EML4: variants seen among roughly 807,000 people sequenced by gnomAD.
EML4 encodes the protein EMAP like 4, also known as echinoderm microtubule-associated protein-like 4.
A neutral mutation model predicts 129.0 loss-of-function variants in EML4; 72 were observed. The ratio of observed to expected loss-of-function variants is 0.56; its 90% CI spans 0.46 to 0.68. EML4 has a LOEUF of 0.68. EML4 is among the 30% of genes least tolerant of loss of function. EML4 has a pLI of 0.00. For synonymous variants in EML4, 532 were observed against 405.0 expected (o/e 1.31, Z -3.77); for missense variants, 1,363 against 1,190.6 (o/e 1.14, Z -2.13).
At chr2:42,193,413 TAA>T (rs72117934) in intron 1 of EML4, among the ~76,000 whole-genome samples, 21,993 of 152,174 alleles carry the variant, frequency 0.14, 1,586 homozygotes, top group East Asian at 0.18. Context: ...AGATGAACGA[TAA>T]AAAGAGTAAA....
At chr2:42,292,142 T>C (rs999425019) in intron 11 of EML4, among the ~76,000 whole-genome samples, 3 of 152,212 alleles carry the variant, frequency 2.0e-5, no homozygotes, top group African/African-American at 7.2e-5. Context: ...AAGGACACTT[T>C]TAGAGCAGAA....
intron 6 of EML4, among the ~76,000 whole-genome samples, chr2:42,278,931 T>C (rs997191423): frequency 1.1e-5 from 1 of 93,962 alleles, no homozygotes; most frequent in African/African-American, 5.7e-5. Flanking sequence ...AGCGAAACTC[T>C]CTTGGAAAAA....
At chr2:42,255,170 C>A (rs182235706) in intron 2 of EML4, among the ~76,000 whole-genome samples, 118 of 152,114 alleles carry the variant, frequency 7.8e-4, no homozygotes, top group African/African-American at 2.6e-3. Context: ...ACTGCAAGCT[C>A]CGCCTCCCAA....
At chr2:42,208,586 A>G (rs1672699382) in intron 1 of EML4, among the ~76,000 whole-genome samples, 1 of 151,454 alleles carries the variant, frequency 6.6e-6, no homozygotes. Context: ...GGCACCTGCC[A>G]CCGCACCCGG....
chr2:42,221,142 G>T (rs1673565571), intron 1 of EML4, among the ~76,000 whole-genome samples: 1 of 152,108 alleles, frequency 6.6e-6, no homozygotes, highest in Non-Finnish European at 1.5e-5. Flanking sequence ...CAGATTATCA[G>T]TGTAGACAAC....
In EML4 at chr2:42,278,240, G is replaced by C. The variant is rs146612827; in HGVS notation, c.668-2610G>C. Among the ~76,000 whole-genome samples the C allele has an allele frequency of 5.3e-5, 8 of 152,228 alleles. No homozygotes were observed. In the East Asian group the frequency reaches 1.5e-3, roughly 29 times the overall value. Reference sequence around the variant, plus strand: ...GGGATGCTAGAGGCAGGGTTAAGTCGGGGTGGGGTTTTTTTGGTTTTTTGT... The same window carrying C: ...GGGATGCTAGAGGCAGGGTTAAGTCCGGGTGGGGTTTTTTTGGTTTTTTGT... On this transcript the variant is annotated intron_variant, in intron 6 of 22. Transcript: ENST00000318522.
intron 2 of EML4, among the ~76,000 whole-genome samples, chr2:42,252,762 C>G (rs1665537097): frequency 6.6e-6 from 1 of 151,950 alleles, no homozygotes; most frequent in Non-Finnish European, 1.5e-5. Context: ...TTTCAGCTGT[C>G]TATTTCTTTC....
chr2:42,191,866 G>T (rs920767366), intron 1 of EML4, among the ~76,000 whole-genome samples: 4 of 152,028 alleles, frequency 2.6e-5, no homozygotes, highest in Non-Finnish European at 4.4e-5. Context: ...AAACCTGGCC[G>T]GGCACGGTGG....
Position 42,304,527 on chromosome 2 carries a change from T to C in EML4, c.1943T>C (p.Val648Ala). 6.2e-7 allele frequency: 1 copy of C among 1,614,104 alleles called. No homozygotes were observed. Among genetic ancestry groups the C allele is most frequent in the Non-Finnish European group, 8.5e-7 (1 of 1,179,976 alleles). ...CADFHPSGTV[V>A]AIGTHSGRWF... ...GATTTTCATCCAAGTGGCACAGTGG[T>C]GGCCATAGGAACGCACTCAGGCAGG... The change falls in exon 17 of 23, where the codon GTG becomes GCG. Residue 648 changes from valine (V) to alanine (A), a missense_variant. Transcript: ENST00000318522.
intron 1 of EML4, among the ~76,000 whole-genome samples, chr2:42,228,220 C>CA (rs35772596): frequency 0.33 from 47,692 of 143,146 alleles, 8,225 homozygotes; most frequent in East Asian, 0.57. Flanking sequence ...GACTCTGTCT[C>CA]AAAAAAAAAA....
At chr2:42,219,183 C>G (rs868599432) in intron 1 of EML4, among the ~76,000 whole-genome samples, 1 of 152,172 alleles carries the variant, frequency 6.6e-6, no homozygotes, top group Middle Eastern at 3.4e-3. Flanking sequence ...AGGAAGAGCC[C>G]CCTTCATAAG....
chr2:42,302,394 C>G (rs985061492), intron 14 of EML4, among the ~76,000 whole-genome samples: 2 of 152,026 alleles, frequency 1.3e-5, no homozygotes, highest in African/African-American at 4.8e-5. Flanking sequence ...GTGGGTAGGG[C>G]ATGTATTATT....
At chr2:42,182,906 G>A (rs1334893587) in intron 1 of EML4, among the ~76,000 whole-genome samples, 2 of 152,146 alleles carry the variant, frequency 1.3e-5, no homozygotes, top group Non-Finnish European at 2.9e-5. Flanking sequence ...CATATCACTG[G>A]TGCCTGTGTG....
At chr2:42,196,570 C>G (rs1490106459) in intron 1 of EML4, among the ~76,000 whole-genome samples, 1 of 152,224 alleles carries the variant, frequency 6.6e-6, no homozygotes, top group East Asian at 1.9e-4. Flanking sequence ...CATGTCTGCT[C>G]TGACTACACT....
chr2:42,331,330 G>A lies in EML4; in HGVS notation c.*1123G>A, dbSNP rs1295945569. 4.5e-6 allele frequency: 1 copy of A among 224,576 alleles called. No homozygotes were observed. Among genetic ancestry groups the A allele is most frequent in the Non-Finnish European group, 8.9e-6 (1 of 112,486 alleles). 13.9% of individuals were successfully genotyped at this position (224,576 alleles called of 1,614,324 possible). On this transcript the variant is annotated 3_prime_UTR_variant, in exon 23 of 23. Transcript: ENST00000318522. ...GCTGTGTAGCAGTTTTTTTCTGGTG[G>A]AGTTGCTGTAAGTCTTGTAAGTCTA...
chr2:42,281,221 A>G, intron 7 of EML4, among the ~76,000 whole-genome samples: 1 of 152,020 alleles, frequency 6.6e-6, no homozygotes, highest in East Asian at 1.9e-4. Context: ...GTGAAACCCC[A>G]TCTCTACTAA....
At chr2:42,189,895 A>G (rs1671486098) in intron 1 of EML4, among the ~76,000 whole-genome samples, 1 of 152,174 alleles carries the variant, frequency 6.6e-6, no homozygotes, top group Non-Finnish European at 1.5e-5. Context: ...ATATGAAGAC[A>G]GCTAATCCAT....
chr2:42,255,906 G>T (rs910993947), intron 2 of EML4, among the ~76,000 whole-genome samples: 3 of 152,076 alleles, frequency 2.0e-5, no homozygotes, highest in African/African-American at 7.2e-5. Flanking sequence ...AAATAAAAAT[G>T]TTCTCTATTC....
intron 12 of EML4, 31 bp from the exon 13 acceptor site, chr2:42,295,350 A>G (rs1253074261): frequency 1.9e-6 from 3 of 1,605,904 alleles, no homozygotes; most frequent in Non-Finnish European, 1.7e-6. Flanking sequence ...TGGCAAAAAG[A>G]AAACTGAAAA....
Sources: allele counts gnomAD v4.1 joint callset (sites outside exome capture counted in the v4.1 genomes callset), GRCh38; gene constraint gnomAD v4.1.1; transcripts MANE v1.5; gene names NCBI Gene and HGNC (gene_info 2026-07-23, HGNC 2026-07-21).